Variants in ABCC8 observed in about 807,000 individuals in gnomAD.
The protein encoded by ABCC8 is ATP binding cassette subfamily C member 8, also known as ATP-binding cassette sub-family C member 8.
ABCC8 carries 137 observed loss-of-function variants against 188.0 expected under a neutral mutation model. That is an observed-to-expected ratio of 0.73 (90% confidence interval 0.63 to 0.84). The LOEUF is 0.84. ABCC8 is among the 40% of genes least tolerant of loss of function. The pLI is 0.00. For synonymous variants in ABCC8, 797 were observed against 846.5 expected, an observed-to-expected ratio of 0.94 and a Z score of 1.01; for missense variants, 1,750 against 2,072.7, an observed-to-expected ratio of 0.84 and a Z score of 3.02.
At chr11:17,433,555 A>C (rs1274171338) in intron 10 of ABCC8, among the ~76,000 whole-genome samples, 2 of 152,260 alleles carry the variant, frequency 1.3e-5, no homozygotes, top group Non-Finnish European at 2.9e-5. Context: ...GTGGAAGGAC[A>C]TGGCCTCTGC....
At chr11:17,449,642 G>GA (rs1442666082) in intron 7 of ABCC8, among the ~76,000 whole-genome samples, 1 of 152,190 alleles carries the variant, frequency 6.6e-6, no homozygotes, top group Non-Finnish European at 1.5e-5. Flanking sequence ...CTTGAACAAG[G>GA]AAAAATGCAT....
chr11:17,461,039 G>A (rs938456438), intron 5 of ABCC8: 12 of 370,864 alleles, frequency 3.2e-5, no homozygotes, highest in African/African-American at 2.5e-4. Flanking sequence ...GAGGGCAGAG[G>A]AAGTGAAGGA....
At chr11:17,406,543 C>T in intron 26 of ABCC8, 79 bp downstream of exon 26, 1 of 1,433,574 alleles carries the variant, frequency 7.0e-7, no homozygotes, top group Non-Finnish European at 9.5e-7. Context: ...TGTATATCCC[C>T]ATTTTATAGA....
intron 10 of ABCC8, among the ~76,000 whole-genome samples, chr11:17,433,800 G>A (rs1253137456): frequency 6.6e-6 from 1 of 152,174 alleles, no homozygotes; most frequent in Non-Finnish European, 1.5e-5. Flanking sequence ...CTGGGGCCCT[G>A]GCAGATGGCG....
chr11:17,441,715 C>T (rs1369689627), intron 10 of ABCC8, among the ~76,000 whole-genome samples: 1 of 152,176 alleles, frequency 6.6e-6, no homozygotes, highest in Admixed American at 6.5e-5. Context: ...CACCTGACCT[C>T]CGTAAGCCCT....
chr11:17,397,877 C>T, intron 30 of ABCC8, 80 bp from the exon 31 acceptor site: 1 of 1,565,472 alleles, frequency 6.4e-7, no homozygotes, highest in Non-Finnish European at 8.6e-7. Flanking sequence ...CTTTTCGGGG[C>T]AGAGAGCAGC....
chr11:17,444,704 T>A (rs1956457668), intron 8 of ABCC8, among the ~76,000 whole-genome samples: 1 of 152,202 alleles, frequency 6.6e-6, no homozygotes. Context: ...TTGTCTCCTA[T>A]TCACAGGTTA....
rs1170415426 is a variant in ABCC8, at chr11:17,411,743, G to A, written c.2556+923C>T. On this transcript the variant is annotated intron_variant, in intron 21 of 38. Transcript: ENST00000389817. ...CACAGTTTGGATTTGAACCGGGCTG[G>A]GCCTCTTGAACTGGGTGAGCTCTGT... is the stretch of plus-strand genomic sequence containing the variant. Among the ~76,000 whole-genome samples, 7 of 152,050 alleles carry A rather than the reference G, an allele frequency of 4.6e-5. No individual in the cohort carries two copies. In the South Asian group the frequency reaches 1.5e-3, roughly 32 times the overall value.
chr11:17,446,057 C>G (rs1294065746), intron 8 of ABCC8, among the ~76,000 whole-genome samples: 1 of 151,774 alleles, frequency 6.6e-6, no homozygotes, highest in Non-Finnish European at 1.5e-5. Context: ...TCTCCGCCTC[C>G]TGGGCTCAAG....
At position 17,404,494 on chromosome 11, in the gene ABCC8, C is replaced by T. The variant is rs1169433477; in HGVS notation, c.3557+18G>A. 3.7e-6 allele frequency: 6 copies of T among 1,610,390 alleles called. No homozygotes were observed. Among genetic ancestry groups the T allele is most frequent in the Non-Finnish European group, 5.1e-6 (6 of 1,176,626 alleles). ...ACATTGCAAAGCACCTCCCACCCCTCACCCCTGAGGCCATCACCTGGACGC... is the reference window on the plus strand; with the variant it reads ...ACATTGCAAAGCACCTCCCACCCCTTACCCCTGAGGCCATCACCTGGACGC... On this transcript the variant is annotated intron_variant, in intron 28 of 38. Coordinates refer to ENST00000389817, the MANE Select transcript of ABCC8 (RefSeq NM_000352.6). This position sits in a 1 kb window ranked among gnomAD's most constrained non-coding sequence, Gnocchi z 4.7.
At chr11:17,475,979 G>T (rs1425388766) in intron 1 of ABCC8, among the ~76,000 whole-genome samples, 1 of 152,168 alleles carries the variant, frequency 6.6e-6, no homozygotes, top group African/African-American at 2.4e-5. Flanking sequence ...TCGCTGCGTC[G>T]GCGAGTCGGA....
In ABCC8 at chr11:17,435,101, C is replaced by A. The variant is rs529023629; in HGVS notation, c.1631-2857G>T. Among the ~76,000 whole-genome samples, 4 of 152,118 alleles carry A rather than the reference C, an allele frequency of 2.6e-5. No homozygotes were observed. In the South Asian group the frequency reaches 8.3e-4, roughly 32 times the overall value. ...TGTTGTGTCAAAAGCTATACATTTT[C>A]TCCTCAAAGCAGCTGCTCCAAGAAC... On this transcript the variant is annotated intron_variant, in intron 10 of 38. Transcript: ENST00000389817.
At chr11:17,395,298 C>T (rs780047943) in intron 35 of ABCC8, 23 bp from the exon 36 acceptor site, 2 of 1,561,398 alleles carry the variant, frequency 1.3e-6, no homozygotes, top group East Asian at 2.4e-5. Context: ...CAGAAAGCCC[C>T]AGTAGGGAGG....
intron 33 of ABCC8, 145 bp downstream of exon 33, chr11:17,396,771 C>T: frequency 9.5e-7 from 1 of 1,053,126 alleles, no homozygotes; most frequent in African/African-American, 1.6e-5. Context: ...CCCACAGGCC[C>T]AGGGCAGGAG....
rs914320692 is a variant in ABCC8 at position 17,427,390 on chromosome 11, A to T, written c.2117-236T>A. ...GATTTCCTGCCCCGCCACCCTTCCTAAGCACTCGCTTCTCCTTTCCCATGC... is the reference window on the plus strand; with the variant it reads ...GATTTCCTGCCCCGCCACCCTTCCTTAGCACTCGCTTCTCCTTTCCCATGC... On this transcript the variant is annotated intron_variant, in intron 15 of 38. Coordinates refer to ENST00000389817, the MANE Select transcript of ABCC8 (RefSeq NM_000352.6). The surrounding 1 kb of genome is among the most constrained non-coding windows in gnomAD (Gnocchi z 5.0). Among the ~76,000 whole-genome samples the T allele has an allele frequency of 6.6e-6, 1 of 151,682 alleles. No homozygotes were observed.
chr11:17,439,001 C>T (rs1956211402), intron 10 of ABCC8, among the ~76,000 whole-genome samples: 1 of 152,256 alleles, frequency 6.6e-6, no homozygotes, highest in South Asian at 2.1e-4. Flanking sequence ...CCACACTGTT[C>T]TGTGCATGTT....
rs527687711 is a variant in ABCC8, at chr11:17,427,793, C to T, written c.2116+74G>A. The stretch of plus-strand genomic sequence containing the variant: ...GAGAGTAGGTGCTCAATAAATGCAG[C>T]TTTGTCTTTTTATCTCTATGTTATT... On this transcript the variant is annotated intron_variant, in intron 15 of 38. Coordinates refer to ENST00000389817, the MANE Select transcript of ABCC8 (RefSeq NM_000352.6). This position sits in a 1 kb window ranked among gnomAD's most constrained non-coding sequence, Gnocchi z 5.0. 74 of 1,572,292 alleles carry T rather than the reference C, an allele frequency of 4.7e-5. No homozygotes were observed. The African/African-American group carries it at 8.3e-4, about 18-fold the overall frequency.
chr11:17,420,830 C>T (rs1760808410), intron 16 of ABCC8, among the ~76,000 whole-genome samples: 1 of 152,214 alleles, frequency 6.6e-6, no homozygotes, highest in Admixed American at 6.5e-5. Flanking sequence ...GAATTTCACC[C>T]GAGTGTATCT....
chr11:17,410,627 G>C lies in ABCC8; in HGVS notation c.2583C>G (p.Ile861Met), dbSNP rs1292246246. 1.1e-5 allele frequency: 17 copies of C among 1,613,966 alleles called. No individual in the cohort carries two copies. In the Admixed American group the frequency reaches 2.2e-4, roughly 21 times the overall value. ...FLDDPFSALD[I>M]HLSDHLMQAG... ...CCTGCATTAAGTGGTCACTCAGATG[G>C]ATATCCAGAGCTGAGAAGGGGTCAT... The change falls in exon 22 of 39, where the codon ATC becomes ATG. Residue 861 changes from isoleucine (I) to methionine (M), a missense_variant. By Grantham distance (10) the Ile-to-Met change is conservative. Coordinates refer to ENST00000389817, the MANE Select transcript of ABCC8 (RefSeq NM_000352.6).
Sources: allele counts gnomAD v4.1 joint callset (sites outside exome capture counted in the v4.1 genomes callset), GRCh38; gene constraint gnomAD v4.1.1; non-coding constraint Gnocchi (gnomAD v3.1); transcripts MANE v1.5; gene names NCBI Gene and HGNC (gene_info 2026-07-23, HGNC 2026-07-21).